The following WHRN variants were observed in gnomAD, a reference collection of about 807,000 sequenced individuals.
WHRN encodes the protein CASK-interacting protein CIP98.
A neutral mutation model predicts 68.3 loss-of-function variants in WHRN; 41 were observed. The ratio of observed to expected loss-of-function variants is 0.60; its 90% confidence interval spans 0.47 to 0.78. The LOEUF (loss-of-function observed/expected upper bound fraction) is 0.78, where lower values mean the gene tolerates loss of function less well. WHRN is among the 30% of genes least tolerant of loss of function. The pLI, the probability that WHRN is intolerant of heterozygous loss-of-function variation, is 0.00. For synonymous variants in WHRN, 560 were observed against 561.3 expected, an observed-to-expected ratio of 1.00 and a Z score of 0.03; for missense variants, 1,243 against 1,244.7, an observed-to-expected ratio of 1.00 and a Z score of 0.02.
intron 1 of WHRN, among the ~76,000 whole-genome samples, chr9:114,485,558 G>A (rs1171864491): frequency 6.6e-6 from 1 of 152,142 alleles, no homozygotes; most frequent in Non-Finnish European, 1.5e-5. Flanking sequence ...CAGGCATGGT[G>A]GCGGGTGGCT....
chr9:114,403,987 G>A lies in WHRN; in HGVS notation c.2327C>T (p.Pro776Leu). Residue 776 changes from proline to leucine, a missense_variant, in exon 10 of 12, where the codon CCA (proline) becomes CTA (leucine). Physicochemically the swap from Pro to Leu is moderately conservative, Grantham distance 98 (BLOSUM62 -3). Transcript: ENST00000362057. ...GGACACCGACTGCCTTCCTCGGCCT[G>A]GGGCGCTGGCCTCTGCCTCGCCAGC... ...VDAGEAEASAPGRGRQSVSTK... is the reference protein window; with the variant it reads ...VDAGEAEASALGRGRQSVSTK... The A allele has an allele frequency of 6.2e-7, 1 of 1,612,568 alleles. No individual in the cohort carries two copies. The highest frequency in any genetic ancestry group is 8.5e-7 in the Non-Finnish European group (1 of 1,179,998).
chr9:114,480,741 A>G (rs546296034), intron 1 of WHRN, among the ~76,000 whole-genome samples: 1 of 152,330 alleles, frequency 6.6e-6, no homozygotes, highest in South Asian at 2.1e-4. Flanking sequence ...TTGAAATCCT[A>G]TTTACAAAGG....
chr9:114,438,728 G>A (rs1235984974), intron 3 of WHRN, among the ~76,000 whole-genome samples: 2 of 152,104 alleles, frequency 1.3e-5, no homozygotes, highest in Non-Finnish European at 2.9e-5. Flanking sequence ...TGGGATTACA[G>A]GCATGAGCCA....
At chr9:114,500,167 A>G (rs1843800222) in intron 1 of WHRN, among the ~76,000 whole-genome samples, 1 of 152,222 alleles carries the variant, frequency 6.6e-6, no homozygotes, top group Non-Finnish European at 1.5e-5. Flanking sequence ...AATCTACTCA[A>G]TAATGGGCTT....
At chr9:114,482,060 T>C (rs1261924912) in intron 1 of WHRN, among the ~76,000 whole-genome samples, 3 of 151,538 alleles carry the variant, frequency 2.0e-5, no homozygotes, top group Non-Finnish European at 4.4e-5. Context: ...CTGCGCACAG[T>C]AGGTATTTGT....
intron 9 of WHRN, among the ~76,000 whole-genome samples, chr9:114,405,647 T>A (rs943424442): frequency 6.6e-6 from 1 of 152,180 alleles, no homozygotes; most frequent in Non-Finnish European, 1.5e-5. Context: ...CTCAGCTGCC[T>A]CCCCTCACTA....
chr9:114,430,120 G>A (rs910613649), intron 3 of WHRN, among the ~76,000 whole-genome samples: 1 of 152,142 alleles, frequency 6.6e-6, no homozygotes, highest in Admixed American at 6.5e-5. Flanking sequence ...TTAAAGGAAC[G>A]GGCATCCAAG....
chr9:114,406,502 T>C lies in WHRN; in HGVS notation c.2089A>G (p.Thr697Ala), dbSNP rs1564116124. The C allele has an allele frequency of 6.2e-7, 1 of 1,614,022 alleles. No homozygotes were observed. Reference sequence around the variant, plus strand: ...GGCAGAAGGCAGCCCCCAGCCACTGTGGCCTCTGCAGAGGGGCTTTTCAGG... The same window carrying C: ...GGCAGAAGGCAGCCCCCAGCCACTGCGGCCTCTGCAGAGGGGCTTTTCAGG... ...PHLKSPSAEA[T>A]VAGGCLLPPS... The change falls in exon 9 of 12, where the codon ACA becomes GCA. Residue 697 changes from threonine (T) to alanine (A), a missense_variant. Transcript: ENST00000362057.
chr9:114,503,255 CT>C, intron 1 of WHRN: 1 of 939,268 alleles, frequency 1.1e-6, no homozygotes, highest in Non-Finnish European at 1.3e-6. Flanking sequence ...GTCCAACCCC[CT>C]GAGAAGCATT....
chr9:114,499,682 G>T lies in WHRN; in HGVS notation c.618+4502C>A, dbSNP rs1051480098. Among the ~76,000 whole-genome samples the T allele has an allele frequency of 3.9e-5, 6 of 152,242 alleles. 1 individual carries two copies. The highest frequency in any genetic ancestry group is 1.2e-4 in the African/African-American group (5 of 41,466). On this transcript the variant is annotated intron_variant, in intron 1 of 11. Transcript: ENST00000362057. ...AGCTTGAGCAGTCAGGCACATGAGCGAGGGGCTGCAGGCACTGACAGGTGC... is the reference window on the plus strand; with the variant it reads ...AGCTTGAGCAGTCAGGCACATGAGCTAGGGGCTGCAGGCACTGACAGGTGC...
chr9:114,411,270 A>G (rs1835418433), intron 7 of WHRN, among the ~76,000 whole-genome samples: 1 of 152,234 alleles, frequency 6.6e-6, no homozygotes, highest in South Asian at 2.1e-4. Context: ...AGGCGCGTTA[A>G]GGTGAACAGT....
At chr9:114,446,353 T>TG (rs76742561) in intron 3 of WHRN, among the ~76,000 whole-genome samples, 14,142 of 151,956 alleles carry the variant, frequency 0.093, 1,910 homozygotes, top group African/African-American at 0.3. Context: ...GAGGGAGGAA[T>TG]GGGGAGTGAT....
Position 114,467,735 on chromosome 9 carries a change from T to C in WHRN, c.838-1343A>G, listed in dbSNP as rs138721698. Among the ~76,000 whole-genome samples, 416 of 152,050 alleles carry C rather than the reference T, an allele frequency of 2.7e-3. 6 individuals carry two copies. The highest frequency in any genetic ancestry group is 9.6e-3 in the African/African-American group (398 of 41,438). ...TGCAGGAACATGCAGGTTAAGTGTG[T>C]CTCCGGTATGAAAGAGGGATTCATG... On this transcript the variant is annotated intron_variant, in intron 2 of 11. Transcript: ENST00000362057.
At chr9:114,403,831 C>A in intron 10 of WHRN, 65 bp downstream of exon 10, 1 of 1,590,298 alleles carries the variant, frequency 6.3e-7, no homozygotes, top group South Asian at 1.1e-5. Context: ...GTCCCGGGAC[C>A]TCCCATTCTG....
intron 3 of WHRN, among the ~76,000 whole-genome samples, chr9:114,438,090 C>T (rs1838024916): frequency 6.6e-6 from 1 of 152,032 alleles, no homozygotes; most frequent in Non-Finnish European, 1.5e-5. Context: ...AAAAAATTAG[C>T]CAGGTGTGAT....
At chr9:114,422,796 C>T (rs980938359) in intron 7 of WHRN, among the ~76,000 whole-genome samples, 13 of 152,204 alleles carry the variant, frequency 8.5e-5, no homozygotes, top group Admixed American at 4.6e-4. Context: ...GATTGCACCC[C>T]TGCACTCCAG....
chr9:114,439,819 T>C (rs1838211559), intron 3 of WHRN, among the ~76,000 whole-genome samples: 1 of 152,352 alleles, frequency 6.6e-6, no homozygotes, highest in Admixed American at 6.5e-5. Flanking sequence ...CCTAGAAATA[T>C]TGAGAAAATT....
intron 3 of WHRN, among the ~76,000 whole-genome samples, chr9:114,448,213 T>G (rs915272576): frequency 6.6e-6 from 1 of 152,046 alleles, no homozygotes; most frequent in Non-Finnish European, 1.5e-5. Context: ...TCTGCCCGTA[T>G]AAGAGAACGG....
chr9:114,406,675 G>A lies in WHRN; in HGVS notation c.1916C>T (p.Thr639Ile). ...AGAGGGCAAGTCCTGTGCAGAGGAG[G>A]TCCCTGGGGTGGGTGCGGTGCCCGC... ...PPAGTAPTPG[T>I]SSAQDLPSSP... The change falls in exon 9 of 12, where the codon ACC (threonine) becomes ATC (isoleucine). Residue 639 changes from threonine to isoleucine, a missense_variant. Transcript: ENST00000362057. 1 of 1,613,994 alleles carries A rather than the reference G, an allele frequency of 6.2e-7. No homozygotes were observed. Among genetic ancestry groups the A allele is most frequent in the Non-Finnish European group, 8.5e-7 (1 of 1,180,036 alleles).
Sources: gnomAD v4.1 joint callset for allele counts (sites outside exome capture counted in the v4.1 genomes callset) on GRCh38, gnomAD v4.1.1 for gene constraint, MANE v1.5 for transcripts, NCBI Gene and HGNC (gene_info 2026-07-23, HGNC 2026-07-21) for gene names.